DCP1B: variants seen among roughly 807,000 people sequenced by gnomAD.
DCP1B encodes mRNA-decapping enzyme 1B.
A neutral mutation model predicts 60.5 loss-of-function variants in DCP1B; 47 were observed. The ratio of observed to expected loss-of-function variants is 0.78; its 90% CI spans 0.61 to 0.99. The LOEUF is 0.99. DCP1B is among the 50% of genes least tolerant of loss of function. The pLI is 0.00. For missense variants in DCP1B, 725 were observed against 756.8 expected (o/e 0.96, Z 0.49); for synonymous variants, 267 against 280.3 (o/e 0.95, Z 0.47).
At position 1,962,127 on chromosome 12, in the gene DCP1B, G is replaced by A. The variant is rs1425500661; in HGVS notation, c.522+3431C>T. Reference sequence around the variant, plus strand: ...AGGCAAGGCAGGGCATGGTAAACAGGTTAAGATTGGCCAGTTTGAATAACT... The same window carrying A: ...AGGCAAGGCAGGGCATGGTAAACAGATTAAGATTGGCCAGTTTGAATAACT... On this transcript the variant is annotated intron_variant, in intron 5 of 8. Coordinates refer to ENST00000280665, the MANE Select transcript of DCP1B (RefSeq NM_152640.5). This position sits in a 1 kb window ranked among gnomAD's most constrained non-coding sequence, Gnocchi z 4.4. 6.6e-6 allele frequency among the ~76,000 whole-genome samples: 1 copy of A among 152,204 alleles called. No individual in the cohort carries two copies. Among genetic ancestry groups the A allele is most frequent in the East Asian group, 1.9e-4 (1 of 5,188 alleles).
intron 5 of DCP1B, among the ~76,000 whole-genome samples, chr12:1,963,878 A>G (rs2031208625): frequency 1.3e-5 from 2 of 152,226 alleles, no homozygotes; most frequent in Non-Finnish European, 2.9e-5. Context: ...TATACCTAAG[A>G]AACAAAACAT....
chr12:1,963,827 G>A (rs2031206079), intron 5 of DCP1B, among the ~76,000 whole-genome samples: 1 of 152,128 alleles, frequency 6.6e-6, no homozygotes, highest in Admixed American at 6.5e-5. Context: ...TTATTTTTAT[G>A]TCCTTTCAGG....
intron 5 of DCP1B, chr12:1,961,282 G>A (rs2031115472): frequency 6.6e-6 from 1 of 152,182 alleles, no homozygotes; most frequent in Non-Finnish European, 1.5e-5. Flanking sequence ...TCTTAGGGAA[G>A]GCTTGAAGAC....
chr12:1,981,921 T>A (rs112898313), intron 3 of DCP1B, among the ~76,000 whole-genome samples: 2 of 152,088 alleles, frequency 1.3e-5, no homozygotes, highest in South Asian at 4.1e-4. Flanking sequence ...GGAAAGTGTA[T>A]ATGTAGTTGT....
At chr12:1,960,602 C>A (rs2031086850) in intron 5 of DCP1B, among the ~76,000 whole-genome samples, 2 of 152,002 alleles carry the variant, frequency 1.3e-5, no homozygotes, top group Non-Finnish European at 2.9e-5. Context: ...GATTTAGGCA[C>A]CCTATAATAT....
intron 5 of DCP1B, among the ~76,000 whole-genome samples, chr12:1,956,627 C>CA (rs2030894765): frequency 6.6e-6 from 1 of 152,170 alleles, no homozygotes; most frequent in East Asian, 1.9e-4. Flanking sequence ...ACGTGGGATG[C>CA]AAAATCACCT....
chr12:1,979,644 C>G (rs1371165486), intron 3 of DCP1B, among the ~76,000 whole-genome samples: 1 of 152,228 alleles, frequency 6.6e-6, no homozygotes, highest in Non-Finnish European at 1.5e-5. Flanking sequence ...ACGAACGGAA[C>G]TTGTTGGATC....
At chr12:1,984,778 TAAAAAA>T (rs764705302) in intron 3 of DCP1B, among the ~76,000 whole-genome samples, 5 of 81,346 alleles carry the variant, frequency 6.1e-5, no homozygotes, top group East Asian at 3.4e-4. Context: ...GGTCTTCTGG[TAAAAAA>T]AAAAAAAAAA....
intron 3 of DCP1B, among the ~76,000 whole-genome samples, chr12:1,983,415 C>T (rs1472283023): frequency 6.6e-6 from 1 of 151,962 alleles, no homozygotes; most frequent in Admixed American, 6.5e-5. Context: ...TTGGTTGCAA[C>T]TGAAATATTA....
At chr12:1,942,276 C>A (rs1229119690), downstream of DCP1B, among the ~76,000 whole-genome samples, 1 of 152,176 alleles carries the variant, frequency 6.6e-6, no homozygotes, top group Admixed American at 6.5e-5. Context: ...CACAGGAGCA[C>A]CCAGATTCAT....
intron 1 of DCP1B, among the ~76,000 whole-genome samples, chr12:2,002,922 CA>C (rs1565890806): frequency 2.0e-5 from 3 of 151,812 alleles, no homozygotes; most frequent in Admixed American, 6.5e-5. Context: ...CAAAAACAAA[CA>C]AAAAAAGTAG....
At chr12:1,974,438 A>G (rs2033637988) in intron 3 of DCP1B, among the ~76,000 whole-genome samples, 1 of 152,166 alleles carries the variant, frequency 6.6e-6, no homozygotes, top group Non-Finnish European at 1.5e-5. Flanking sequence ...CGAAGACTGT[A>G]TATTTCGATT....
chr12:1,952,918 C>T lies in DCP1B; in HGVS notation c.1022G>A (p.Gly341Glu). The change falls in exon 7 of 9, where the codon GGA becomes GAA. Residue 341 changes from glycine (G) to glutamate (E), a missense_variant. Gly to Glu is a moderately conservative substitution (Grantham distance 98). Transcript: ENST00000280665. ...AGCATTTTGTACACCACGAGAAGTT[C>T]CAATGTTGTGAGGAGACCCTGGCTG... ...PVQPGSPHNI[G>E]TSRGVQNASR... 1 of 1,614,136 alleles carries T rather than the reference C, an allele frequency of 6.2e-7. No individual in the cohort carries two copies. The highest frequency in any genetic ancestry group is 8.5e-7 in the Non-Finnish European group (1 of 1,180,022).
rs192139902 is a variant in DCP1B, at chr12:1,984,662, A to G, written c.319+8602T>C. On this transcript the variant is annotated intron_variant, in intron 3 of 8. Transcript: ENST00000280665. ...AAATAAATCTTTTGTAATTACCCGTATATTTACTATTTCTGTTGTTCCTAC... is the reference window on the plus strand; with the variant it reads ...AAATAAATCTTTTGTAATTACCCGTGTATTTACTATTTCTGTTGTTCCTAC... Among the ~76,000 whole-genome samples the G allele has an allele frequency of 1.2e-3, 173 of 150,296 alleles. 1 individual carries two copies. Among genetic ancestry groups the G allele is most frequent in the Middle Eastern group, 3.5e-3 (1 of 288 alleles).
At position 1,976,286 on chromosome 12, in the gene DCP1B, A is replaced by G. The variant is rs182741371; in HGVS notation, c.320-8376T>C. On this transcript the variant is annotated intron_variant, in intron 3 of 8. Coordinates refer to ENST00000280665, the MANE Select transcript of DCP1B (RefSeq NM_152640.5). ...GCAATGGTGCATAATAAATAGATCAATTTTTCAGTCGGAATGGCAAAGGAG... is the reference window on the plus strand; with the variant it reads ...GCAATGGTGCATAATAAATAGATCAGTTTTTCAGTCGGAATGGCAAAGGAG... 2.5e-3 allele frequency among the ~76,000 whole-genome samples: 376 copies of G among 152,310 alleles called. 7 individuals carry two copies. The highest frequency in any genetic ancestry group is 1.2e-3 in the Non-Finnish European group (85 of 68,018).
intron 2 of DCP1B, among the ~76,000 whole-genome samples, chr12:1,993,856 T>C (rs1048507800): frequency 1.3e-5 from 2 of 152,202 alleles, no homozygotes; most frequent in East Asian, 1.9e-4. Flanking sequence ...AAATTTTAAG[T>C]GTTAGTCTGA....
chr12:1,956,405 C>CTGACATGAA (rs2030886714), intron 5 of DCP1B, among the ~76,000 whole-genome samples: 2 of 152,186 alleles, frequency 1.3e-5, no homozygotes, highest in Non-Finnish European at 2.9e-5. Flanking sequence ...TATTCCACAC[C>CTGACATGAA]TGACATGAAA....
At chr12:1,946,422 A>C in intron 8 of DCP1B, 136 bp from the exon 9 acceptor site, 1 of 620,006 alleles carries the variant, frequency 1.6e-6, no homozygotes, top group Non-Finnish European at 2.6e-6. Context: ...GGTGGTTTTT[A>C]ATTGCATGTG....
intron 5 of DCP1B, among the ~76,000 whole-genome samples, chr12:1,965,190 T>G (rs1270224871): frequency 6.6e-6 from 1 of 152,088 alleles, no homozygotes; most frequent in Non-Finnish European, 1.5e-5. Context: ...TTTATATAGG[T>G]TTTGCCCATT....
Sources: allele counts gnomAD v4.1 joint callset (sites outside exome capture counted in the v4.1 genomes callset), GRCh38; gene constraint gnomAD v4.1.1; non-coding constraint Gnocchi (gnomAD v3.1); transcripts MANE v1.5; gene names NCBI Gene and HGNC (gene_info 2026-07-23, HGNC 2026-07-21).